Variants in DLG1 observed in about 807,000 individuals in gnomAD.
DLG1 encodes the protein discs large MAGUK scaffold protein 1.
In DLG1, 42 loss-of-function variants were observed where a neutral mutation model predicts 123.4. That is an observed-to-expected ratio of 0.34 (90% CI 0.27 to 0.44). DLG1 has a LOEUF of 0.44. Ranked by LOEUF, DLG1 falls within the 20% of genes least tolerant of loss-of-function variation. DLG1 has a pLI of 1.00. For synonymous variants in DLG1, 317 were observed against 356.2 expected (o/e 0.89, Z 1.24); for missense variants, 942 against 1,082.6 (o/e 0.87, Z 1.82).
chr3:197,205,051 C>T (rs188660981), intron 4 of DLG1, among the ~76,000 whole-genome samples: 15 of 151,958 alleles, frequency 9.9e-5, no homozygotes, highest in Admixed American at 9.2e-4. Flanking sequence ...CTTGAACATA[C>T]CAAAAAATAA....
intron 3 of DLG1, among the ~76,000 whole-genome samples, chr3:197,289,368 A>AC (rs1560175280): frequency 5.9e-4 from 90 of 152,086 alleles, no homozygotes; most frequent in African/African-American, 2.0e-3. Flanking sequence ...ACACACACAC[A>AC]AATAACATTC....
intron 13 of DLG1, among the ~76,000 whole-genome samples, chr3:197,110,465 T>C (rs928477190): frequency 2.0e-5 from 3 of 152,184 alleles, no homozygotes; most frequent in Admixed American, 1.3e-4. Flanking sequence ...AAATACCTGG[T>C]TTAATGTCTT....
At chr3:197,231,355 T>G in intron 4 of DLG1, among the ~76,000 whole-genome samples, 1 of 152,192 alleles carries the variant, frequency 6.6e-6, no homozygotes, top group East Asian at 1.9e-4. Flanking sequence ...ATAAGTAGGC[T>G]TACAAAGTTG....
intron 4 of DLG1, among the ~76,000 whole-genome samples, chr3:197,211,924 G>A (rs1220781750): frequency 6.8e-6 from 1 of 146,520 alleles, no homozygotes; most frequent in African/African-American, 2.4e-5. Flanking sequence ...AAAAGAACAC[G>A]ATCATGTCTT....
chr3:197,158,926 T>C (rs972206256), intron 5 of DLG1, among the ~76,000 whole-genome samples: 5 of 152,172 alleles, frequency 3.3e-5, no homozygotes, highest in African/African-American at 1.2e-4. Context: ...TTAAAACATC[T>C]AGTTTTAAAG....
At chr3:197,075,945 T>C in intron 18 of DLG1, 1 of 1,342,254 alleles carries the variant, frequency 7.5e-7, no homozygotes. Context: ...ATGCATAAAA[T>C]TGGTGCTACA....
At chr3:197,260,784 A>G (rs384415) in intron 4 of DLG1, among the ~76,000 whole-genome samples, 1 of 116,906 alleles carries the variant, frequency 8.6e-6, no homozygotes, top group African/African-American at 3.4e-5. Flanking sequence ...AAAAAAAAAA[A>G]TCACTAAAAA....
At chr3:197,079,620 G>A (rs1749590602) in intron 17 of DLG1, among the ~76,000 whole-genome samples, 2 of 152,026 alleles carry the variant, frequency 1.3e-5, no homozygotes, top group Non-Finnish European at 2.9e-5. Context: ...ATGGTATATT[G>A]TACTAAATCA....
At chr3:197,222,929 TTAAC>T (rs748175031) in intron 4 of DLG1, among the ~76,000 whole-genome samples, 17 of 152,270 alleles carry the variant, frequency 1.1e-4, no homozygotes, top group Non-Finnish European at 5.9e-5. Context: ...ACAAACAACT[TTAAC>T]TAGCTTCACA....
chr3:197,247,750 G>T (rs13326428), intron 4 of DLG1, among the ~76,000 whole-genome samples: 2,608 of 152,198 alleles, frequency 0.017, 79 homozygotes, highest in African/African-American at 0.059. Context: ...GGACTATTAA[G>T]GGGAATGTTA....
At chr3:197,132,978 A>G (rs562887903) in intron 10 of DLG1, among the ~76,000 whole-genome samples, 10 of 138,270 alleles carry the variant, frequency 7.2e-5, no homozygotes, top group African/African-American at 2.5e-4. Context: ...TACACATTAA[A>G]TAGCTGTGGT....
intron 5 of DLG1, among the ~76,000 whole-genome samples, chr3:197,158,527 G>A (rs566428488): frequency 9.9e-5 from 15 of 150,934 alleles, no homozygotes; most frequent in African/African-American, 3.2e-4. Context: ...CCAGCTACTC[G>A]GGAGGCTGAG....
intron 14 of DLG1, among the ~76,000 whole-genome samples, chr3:197,104,592 G>C (rs893708039): frequency 1.6e-4 from 24 of 152,100 alleles, no homozygotes; most frequent in South Asian, 2.1e-4. Context: ...TGAGGCAGGA[G>C]AATCACTTGA....
intron 4 of DLG1, among the ~76,000 whole-genome samples, chr3:197,248,260 C>T (rs763735785): frequency 8.5e-5 from 13 of 152,192 alleles, no homozygotes; most frequent in South Asian, 2.1e-4. Flanking sequence ...ACTGCCCCCA[C>T]GGCTTTTCTA....
At chr3:197,158,634 C>CAAAAAAAAAAAAAAAAAAAAAAAAAAA (rs71623339) in intron 5 of DLG1, among the ~76,000 whole-genome samples, 11 of 67,488 alleles carry the variant, frequency 1.6e-4, no homozygotes, top group African/African-American at 4.4e-4. Flanking sequence ...AACTCCATTT[C>CAAAAAAAAAAAAAAAAAAAAAAAAAAA]AAAAAAAAAA....
rs772978956 is a variant in DLG1 at position 197,076,656 on chromosome 3, G to T, written c.1935C>A (p.Asn645Lys). 1 of 1,612,946 alleles carries T rather than the reference G, an allele frequency of 6.2e-7. No homozygotes were observed. The change falls in exon 18 of 25, where the codon AAC (asparagine) becomes AAA (lysine). Residue 645 changes from asparagine (N) to lysine (K), a missense_variant. Transcript: ENST00000667157. ...AGAAGGGGAATTTTCGGGAAAAGAG[G>T]TTCTTTTTACGCTTGTCATTGAATG... ...GQSFNDKRKK[N>K]LFSRKFPFYK...
intron 5 of DLG1, among the ~76,000 whole-genome samples, chr3:197,188,845 C>T (rs1717610267): frequency 6.6e-6 from 1 of 152,110 alleles, no homozygotes; most frequent in African/African-American, 2.4e-5. Flanking sequence ...TTAAAGCTTG[C>T]CTTCTTATGT....
At chr3:197,126,983 C>T (rs1011837900) in intron 11 of DLG1, among the ~76,000 whole-genome samples, 4 of 152,060 alleles carry the variant, frequency 2.6e-5, no homozygotes, top group African/African-American at 7.2e-5. Context: ...GCAGGTTATA[C>T]CCAGTACGTT....
intron 5 of DLG1, among the ~76,000 whole-genome samples, chr3:197,164,375 C>T (rs1242893259): frequency 1.3e-5 from 2 of 151,962 alleles, no homozygotes; most frequent in Admixed American, 1.3e-4. Flanking sequence ...CCAGCCTGGG[C>T]AACAGAGTGA....
Sources: gnomAD v4.1 joint callset for allele counts (sites outside exome capture counted in the v4.1 genomes callset) on GRCh38, gnomAD v4.1.1 for gene constraint, MANE v1.5 for transcripts, NCBI Gene and HGNC (gene_info 2026-07-23, HGNC 2026-07-21) for gene names.